Variants in PTPRD observed in about 807,000 individuals in gnomAD.
The protein encoded by PTPRD is receptor-type tyrosine-protein phosphatase delta.
A neutral mutation model predicts 214.5 loss-of-function variants in PTPRD; 34 were observed. The observed-to-expected ratio is 0.16, with a 90% confidence interval of 0.12 to 0.21. PTPRD has a LOEUF of 0.21. Ranked by LOEUF, PTPRD falls within the 10% of genes least tolerant of loss-of-function variation. The pLI, the probability that PTPRD is intolerant of heterozygous loss-of-function variation, is 1.00. For synonymous variants in PTPRD, 1,128 were observed against 845.7 expected, an observed-to-expected ratio of 1.33 and a Z score of -5.79; for missense variants, 2,545 against 2,398.7, an observed-to-expected ratio of 1.06 and a Z score of -1.27.
intron 33 of PTPRD, among the ~76,000 whole-genome samples, chr9:8,454,939 A>G (rs2096125553): frequency 1.3e-5 from 2 of 152,084 alleles, no homozygotes; most frequent in African/African-American, 2.4e-5. Context: ...AGATAATTTG[A>G]TTTTTAAAAA....
chr9:9,797,542 C>A, intron 5 of PTPRD, among the ~76,000 whole-genome samples: 1 of 151,954 alleles, frequency 6.6e-6, no homozygotes, highest in East Asian at 1.9e-4. Context: ...CTATACTTGA[C>A]GAAAAGGATC....
intron 7 of PTPRD, among the ~76,000 whole-genome samples, chr9:9,598,842 T>G (rs1268628250): frequency 6.6e-6 from 1 of 152,024 alleles, no homozygotes; most frequent in Non-Finnish European, 1.5e-5. Context: ...CTGGCTTTAC[T>G]AATTCTCAGC....
At chr9:8,845,311 T>C (rs377391658) in intron 11 of PTPRD, among the ~76,000 whole-genome samples, 1 of 152,190 alleles carries the variant, frequency 6.6e-6, no homozygotes, top group African/African-American at 2.4e-5. Context: ...AAGCTTTCCT[T>C]CAGTCAGTGT....
At chr9:9,857,077 C>T (rs999403781) in intron 5 of PTPRD, among the ~76,000 whole-genome samples, 2 of 152,130 alleles carry the variant, frequency 1.3e-5, no homozygotes, top group Non-Finnish European at 1.5e-5. Context: ...TGTGCGGGCC[C>T]CGGGGCAGCA....
chr9:10,027,141 T>C (rs1223403756), intron 4 of PTPRD, among the ~76,000 whole-genome samples: 1 of 152,150 alleles, frequency 6.6e-6, no homozygotes, highest in Non-Finnish European at 1.5e-5. Flanking sequence ...ATCTTACACT[T>C]GGGGGGAAAT....
intron 32 of PTPRD, 135 bp downstream of exon 32, chr9:8,465,331 A>T: frequency 1.4e-6 from 1 of 737,174 alleles, no homozygotes; most frequent in Non-Finnish European, 2.2e-6. Context: ...AAGAGTAGGC[A>T]GCCTGTTATT....
intron 4 of PTPRD, among the ~76,000 whole-genome samples, chr9:9,960,380 T>A (rs573968235): frequency 1.3e-5 from 2 of 152,256 alleles, no homozygotes; most frequent in African/African-American, 4.8e-5. Context: ...AGCTACTCTA[T>A]CTCAAGAAAG....
intron 8 of PTPRD, among the ~76,000 whole-genome samples, chr9:9,451,210 G>A (rs2092083818): frequency 6.6e-6 from 1 of 151,660 alleles, no homozygotes; most frequent in Non-Finnish European, 1.5e-5. Flanking sequence ...CCCCATGTAT[G>A]GAGAACACTA....
intron 35 of PTPRD, among the ~76,000 whole-genome samples, chr9:8,418,228 T>TTTTTTTTTTTTTTTTAA (rs2094095299): frequency 1.3e-5 from 2 of 152,026 alleles, no homozygotes. Flanking sequence ...CCTTTTCTTT[T>TTTTTTTTTTTTTTTTAA]TTTTTTGCTT....
At chr9:9,458,480 T>A (rs2093313467) in intron 8 of PTPRD, among the ~76,000 whole-genome samples, 1 of 152,094 alleles carries the variant, frequency 6.6e-6, no homozygotes, top group Non-Finnish European at 1.5e-5. Flanking sequence ...TGAGTGTGCA[T>A]GTCTTTACTT....
At chr9:8,339,817 A>G (rs568874588) in intron 42 of PTPRD, among the ~76,000 whole-genome samples, 2 of 147,542 alleles carry the variant, frequency 1.4e-5, no homozygotes, top group South Asian at 4.3e-4. Context: ...TATTTCTAAT[A>G]CTATTTTATG....
chr9:8,722,121 CTCTGTGTG>C (rs1175284047), intron 12 of PTPRD, among the ~76,000 whole-genome samples: 1 of 104,426 alleles, frequency 9.6e-6, no homozygotes. Flanking sequence ...TTAAGTATTA[CTCTGTGTG>C]TGTGTGTGTG....
Position 9,075,411 on chromosome 9 carries a change from T to A in PTPRD, c.-142-56676A>T, listed in dbSNP as rs550980640. On this transcript the variant is annotated intron_variant, in intron 10 of 45. Coordinates refer to ENST00000381196, the MANE Select transcript of PTPRD (RefSeq NM_002839.4). The stretch of plus-strand genomic sequence containing the variant: ...ATTATTCATTCGATATCGGTATTAT[T>A]TATTTTTATTTTTATTATACTTTAA... Among the ~76,000 whole-genome samples the A allele has an allele frequency of 2.0e-5, 3 of 152,162 alleles. No individual in the cohort carries two copies. In the East Asian group the frequency reaches 5.8e-4, roughly 29 times the overall value.
intron 10 of PTPRD, 58 bp downstream of exon 10, chr9:9,183,246 T>C (rs972151025): frequency 4.6e-5 from 7 of 152,018 alleles, no homozygotes; most frequent in Non-Finnish European, 1.0e-4. Context: ...CATCAGTTAC[T>C]GTATTAAGTA....
chr9:8,354,359 A>T (rs1385826371), intron 39 of PTPRD, among the ~76,000 whole-genome samples: 1 of 152,200 alleles, frequency 6.6e-6, no homozygotes, highest in Non-Finnish European at 1.5e-5. Context: ...ATCTACCATG[A>T]CTGGTAATGG....
intron 8 of PTPRD, among the ~76,000 whole-genome samples, chr9:9,552,681 C>A (rs1247297807): frequency 6.6e-6 from 1 of 151,984 alleles, no homozygotes; most frequent in Non-Finnish European, 1.5e-5. Context: ...CTCAAGAAGA[C>A]TAGATTCCTC....
At chr9:9,719,466 C>A (rs2097896203) in intron 7 of PTPRD, among the ~76,000 whole-genome samples, 1 of 152,158 alleles carries the variant, frequency 6.6e-6, no homozygotes, top group Non-Finnish European at 1.5e-5. Context: ...CCTCTGGATT[C>A]CCCAAGCCAG....
chr9:8,971,868 T>C (rs1274972013), intron 11 of PTPRD, among the ~76,000 whole-genome samples: 2 of 151,730 alleles, frequency 1.3e-5, no homozygotes, highest in African/African-American at 4.8e-5. Flanking sequence ...ATTTCTAAAA[T>C]CACACAGCTT....
At chr9:10,350,952 A>G (rs367755605) in intron 2 of PTPRD, among the ~76,000 whole-genome samples, 296 of 152,284 alleles carry the variant, frequency 1.9e-3, no homozygotes, top group African/African-American at 6.7e-3. Context: ...AAGAAAGTAC[A>G]GTGAGCTATG....
Sources: gnomAD v4.1 joint callset for allele counts (sites outside exome capture counted in the v4.1 genomes callset) on GRCh38, gnomAD v4.1.1 for gene constraint, MANE v1.5 for transcripts, NCBI Gene and HGNC (gene_info 2026-07-23, HGNC 2026-07-21) for gene names.